ROBO2: variants seen among roughly 807,000 people sequenced by gnomAD.
The protein encoded by ROBO2 is roundabout homolog 2.
Under a neutral mutation model 160.8 loss-of-function variants are expected in ROBO2, and 53 were observed. The observed-to-expected ratio is 0.33, with a 90% CI of 0.26 to 0.41. The LOEUF (loss-of-function observed/expected upper bound fraction) is 0.41. Ranked by LOEUF, ROBO2 falls within the 10% of genes least tolerant of loss-of-function variation. The pLI is 1.00. For synonymous variants in ROBO2, 664 were observed against 611.7 expected, an observed-to-expected ratio of 1.09 and a Z score of -1.26; for missense variants, 1,577 against 1,722.4, an observed-to-expected ratio of 0.92 and a Z score of 1.49.
intron 2 of ROBO2, among the ~76,000 whole-genome samples, chr3:76,973,826 G>C (rs1236401274): frequency 3.9e-5 from 6 of 152,144 alleles, no homozygotes; most frequent in African/African-American, 1.2e-4. Flanking sequence ...TCACCGTCTA[G>C]TTCAAAACAC....
At chr3:76,450,834 G>A (rs771371301) in intron 2 of ROBO2, among the ~76,000 whole-genome samples, 5 of 151,932 alleles carry the variant, frequency 3.3e-5, no homozygotes, top group South Asian at 2.1e-4. Context: ...AGACATTTTC[G>A]AAAACCATGT....
At chr3:76,962,691 C>A (rs536170237) in intron 2 of ROBO2, among the ~76,000 whole-genome samples, 34 of 150,302 alleles carry the variant, frequency 2.3e-4, no homozygotes, top group African/African-American at 8.3e-4. Flanking sequence ...CCTGTGGTAC[C>A]AACTCTTCAG....
At chr3:76,327,872 ATG>A (rs1576453024) in intron 2 of ROBO2, among the ~76,000 whole-genome samples, 1 of 152,264 alleles carries the variant, frequency 6.6e-6, no homozygotes, top group South Asian at 2.1e-4. Flanking sequence ...CTTCAGAAGA[ATG>A]TGAAAAAAAA....
intron 2 of ROBO2, among the ~76,000 whole-genome samples, chr3:76,565,363 G>A (rs2084447660): frequency 6.6e-6 from 1 of 152,108 alleles, no homozygotes; most frequent in Non-Finnish European, 1.5e-5. Flanking sequence ...AAAAATCTGT[G>A]TGTAGTCACT....
At chr3:77,318,815 A>G (rs2064346179) in intron 2 of ROBO2, among the ~76,000 whole-genome samples, 1 of 152,182 alleles carries the variant, frequency 6.6e-6, no homozygotes, top group South Asian at 2.1e-4. Context: ...ACTACATACT[A>G]TGATTGAGAA....
At chr3:75,922,357 C>T (rs1189175421) in intron 1 of ROBO2, among the ~76,000 whole-genome samples, 4 of 151,968 alleles carry the variant, frequency 2.6e-5, no homozygotes, top group African/African-American at 4.8e-5. Flanking sequence ...GTAGCCCTAA[C>T]CAATAACAGA....
At chr3:76,223,591 G>A (rs1704111079) in intron 2 of ROBO2, among the ~76,000 whole-genome samples, 1 of 152,090 alleles carries the variant, frequency 6.6e-6, no homozygotes, top group African/African-American at 2.4e-5. Flanking sequence ...TCCCCAATCG[G>A]TGCCCTCATT....
At chr3:76,323,218 G>T (rs2107916593) in intron 2 of ROBO2, among the ~76,000 whole-genome samples, 1 of 150,894 alleles carries the variant, frequency 6.6e-6, no homozygotes, top group South Asian at 2.1e-4. Flanking sequence ...CATTTCTTGT[G>T]TGCCAGCATT....
intron 2 of ROBO2, among the ~76,000 whole-genome samples, chr3:76,237,159 C>A (rs1216555148): frequency 1.3e-5 from 2 of 151,966 alleles, no homozygotes; most frequent in Non-Finnish European, 2.9e-5. Context: ...GTTGTGCCTC[C>A]TTGTAGCAAG....
At chr3:77,274,563 G>C (rs759681289) in intron 2 of ROBO2, among the ~76,000 whole-genome samples, 1 of 151,966 alleles carries the variant, frequency 6.6e-6, no homozygotes, top group Non-Finnish European at 1.5e-5. Flanking sequence ...CCAAGATTCA[G>C]GTTCTCTTTA....
intron 2 of ROBO2, among the ~76,000 whole-genome samples, chr3:77,237,896 G>T (rs2088317853): frequency 6.6e-6 from 1 of 152,158 alleles, no homozygotes; most frequent in Non-Finnish European, 1.5e-5. Flanking sequence ...ATCCTTGTCA[G>T]CATTTGGTGG....
chr3:76,654,105 G>A (rs535492248), intron 2 of ROBO2, among the ~76,000 whole-genome samples: 3 of 152,274 alleles, frequency 2.0e-5, no homozygotes, highest in South Asian at 4.2e-4. Flanking sequence ...ACTCTGTCAT[G>A]CAGGCTTCGA....
intron 2 of ROBO2, among the ~76,000 whole-genome samples, chr3:76,578,972 C>A (rs1357069413): frequency 6.6e-6 from 1 of 152,148 alleles, no homozygotes; most frequent in Non-Finnish European, 1.5e-5. Context: ...CATGTAAAAT[C>A]TACCATGCTA....
intron 2 of ROBO2, among the ~76,000 whole-genome samples, chr3:77,350,529 G>A (rs565358676): frequency 8.5e-5 from 13 of 152,228 alleles, no homozygotes; most frequent in Admixed American, 2.0e-4. Flanking sequence ...TTCTGTACTC[G>A]AAGTGCTGCA....
intron 2 of ROBO2, among the ~76,000 whole-genome samples, chr3:76,349,234 CAAA>C: frequency 6.6e-6 from 1 of 151,660 alleles, no homozygotes; most frequent in East Asian, 1.9e-4. Flanking sequence ...AATATCAAAA[CAAA>C]AAAGCACTAA....
intron 4 of ROBO2, among the ~76,000 whole-genome samples, chr3:77,482,174 A>AT (rs1553981006): frequency 3.9e-5 from 6 of 152,186 alleles, no homozygotes; most frequent in East Asian, 1.9e-4. Flanking sequence ...ATATTATGTG[A>AT]TTTTTTAGGA....
At chr3:77,021,191 A>T (rs1370507987) in intron 2 of ROBO2, among the ~76,000 whole-genome samples, 1 of 152,044 alleles carries the variant, frequency 6.6e-6, no homozygotes, top group Non-Finnish European at 1.5e-5. Context: ...ACAGAGCAAG[A>T]CTGTCTCCAA....
At chr3:76,214,641 G>A (rs1211733504) in intron 2 of ROBO2, among the ~76,000 whole-genome samples, 3 of 152,330 alleles carry the variant, frequency 2.0e-5, no homozygotes, top group African/African-American at 4.8e-5. Flanking sequence ...GCTGAGGCTT[G>A]AGTAGGTAAA....
At chr3:77,094,930 A>G (rs2150050967) in intron 1 of ROBO2, among the ~76,000 whole-genome samples, 1 of 152,224 alleles carries the variant, frequency 6.6e-6, no homozygotes, top group Non-Finnish European at 1.5e-5. Context: ...TATATTCTAG[A>G]TACAAATCCA....
Sources: gnomAD v4.1 joint callset for allele counts (sites outside exome capture counted in the v4.1 genomes callset) on GRCh38, gnomAD v4.1.1 for gene constraint, MANE v1.5 for transcripts, NCBI Gene and HGNC (gene_info 2026-07-23, HGNC 2026-07-21) for gene names.